The following RAB5A variants were observed in gnomAD, a reference collection of about 807,000 sequenced individuals.
RAB5A encodes the protein RAB5A, member RAS oncogene family, also known as ras-related protein Rab-5A.
In RAB5A, 8 loss-of-function variants were observed where a neutral mutation model predicts 25.7. The observed-to-expected ratio is 0.31, with a 90% CI of 0.18 to 0.56. The LOEUF is 0.56. Among genes scored for constraint, RAB5A ranks in the 20% least tolerant of loss-of-function variants. The pLI, the probability that RAB5A is intolerant of heterozygous loss-of-function variation, is 0.91. For missense variants in RAB5A, 192 were observed against 259.7 expected (o/e 0.74, Z 1.79); for synonymous variants, 98 against 89.8 (o/e 1.09, Z -0.52).
rs1490011777 is a variant in RAB5A at position 19,978,418 on chromosome 3, T to G, written c.532+15T>G. On this transcript the variant is annotated intron_variant, in intron 5 of 5. Coordinates refer to ENST00000273047, the MANE Select transcript of RAB5A (RefSeq NM_004162.5). ...CATGGCAATAGGTAAGATTAATATC[T>G]CTTTTTAAATGATCAATATAAGCAA... The G allele has an allele frequency of 1.3e-6, 2 of 1,518,700 alleles. No homozygotes were observed. Among genetic ancestry groups the G allele is most frequent in the Middle Eastern group, 1.7e-4 (1 of 5,862 alleles). The allele number at this position is 1,518,700 out of a possible 1,614,324, so 94.1% of individuals were successfully genotyped here. A position where few individuals can be genotyped will look rare whatever the true frequency, so the allele number is the denominator to read the frequency against.
In RAB5A at chr3:19,950,854, G is replaced by A; in HGVS notation, c.-45G>A. Reference sequence around the variant, plus strand: ...AATATTGGCCCCTTGAATTCTGGAAGTTCATTGAAGAGTCTGAAATTAGGG... The same window carrying A: ...AATATTGGCCCCTTGAATTCTGGAAATTCATTGAAGAGTCTGAAATTAGGG... On this transcript the variant is annotated 5_prime_UTR_variant, in exon 2 of 6. Transcript: ENST00000273047. 1 of 1,558,348 alleles carries A rather than the reference G, an allele frequency of 6.4e-7. No homozygotes were observed. Among genetic ancestry groups the A allele is most frequent in the South Asian group, 1.2e-5 (1 of 83,996 alleles).
intron 5 of RAB5A, among the ~76,000 whole-genome samples, chr3:19,981,595 CAG>C (rs1168305479): frequency 6.7e-6 from 1 of 149,492 alleles, no homozygotes; most frequent in African/African-American, 2.5e-5. Flanking sequence ...GCCTGGGTGA[CAG>C]AGCGAGACTC....
intron 2 of RAB5A, among the ~76,000 whole-genome samples, chr3:19,969,727 G>C (rs1696717423): frequency 6.6e-6 from 1 of 152,104 alleles, no homozygotes; most frequent in South Asian, 2.1e-4. Flanking sequence ...GAAGTTGTAT[G>C]GTTTCTCAGT....
chr3:19,980,460 T>C (rs963281685), intron 5 of RAB5A, among the ~76,000 whole-genome samples: 41 of 152,086 alleles, frequency 2.7e-4, no homozygotes, highest in Admixed American at 3.9e-4. Context: ...TTTTTCTTTT[T>C]TTTTTTGTTA....
At chr3:19,953,989 G>C (rs1176218285) in intron 2 of RAB5A, among the ~76,000 whole-genome samples, 1 of 152,088 alleles carries the variant, frequency 6.6e-6, no homozygotes, top group African/African-American at 2.4e-5. Context: ...GAAAAATGAA[G>C]CCAACCAACT....
At chr3:19,951,701 G>GTTTTTTTGTTTTTTT (rs1553638046) in intron 2 of RAB5A, among the ~76,000 whole-genome samples, 2 of 99,014 alleles carry the variant, frequency 2.0e-5, no homozygotes, top group Non-Finnish European at 4.0e-5. Flanking sequence ...TGCCAGGCAA[G>GTTTTTTTGTTTTTTT]TTTTTTTTTT....
At chr3:19,962,600 T>C (rs144133115) in intron 2 of RAB5A, among the ~76,000 whole-genome samples, 1 of 152,072 alleles carries the variant, frequency 6.6e-6, no homozygotes, top group Non-Finnish European at 1.5e-5. Context: ...CCGTAAGACC[T>C]ATCTATATCA....
intron 2 of RAB5A, among the ~76,000 whole-genome samples, chr3:19,973,283 G>A (rs946861202): frequency 3.3e-5 from 5 of 151,910 alleles, no homozygotes; most frequent in Admixed American, 1.3e-4. Context: ...TGAGCCTGAA[G>A]TTTACTTATG....
In RAB5A at chr3:19,969,044, G is replaced by GTTT. The variant is rs746635502; in HGVS notation, c.164-6557_164-6556insTTT. On this transcript the variant is annotated intron_variant, in intron 2 of 5. Coordinates refer to ENST00000273047, the MANE Select transcript of RAB5A (RefSeq NM_004162.5). ...TTTTTGGTTTTGGTTTTTTTTTTTT[G>GTTT]GTTTTTTTTTTTTTTTTGAGATGGA... 9.2e-3 allele frequency among the ~76,000 whole-genome samples: 601 copies of GTTT among 65,512 alleles called. 43 individuals carry two copies. The highest frequency in any genetic ancestry group is 0.011 in the Non-Finnish European group (411 of 37,594). The allele number at this position is 65,512 out of a possible 152,430, so 43.0% of individuals were successfully genotyped here. A position where few individuals can be genotyped will look rare whatever the true frequency, so the allele number is the denominator to read the frequency against.
At chr3:19,962,452 C>T (rs1696600310) in intron 2 of RAB5A, among the ~76,000 whole-genome samples, 1 of 73,188 alleles carries the variant, frequency 1.4e-5, no homozygotes, top group Non-Finnish European at 3.4e-5. Context: ...CCTGTAGTCC[C>T]AGTTACTCGG....
chr3:19,982,972 A>G (rs1046222002), intron 5 of RAB5A, among the ~76,000 whole-genome samples: 9 of 152,162 alleles, frequency 5.9e-5, no homozygotes, highest in African/African-American at 2.2e-4. Flanking sequence ...GAGAACGCTG[A>G]TATGAGCTGA....
At chr3:19,971,214 A>AAC (rs1469533104) in intron 2 of RAB5A, among the ~76,000 whole-genome samples, 16 of 97,018 alleles carry the variant, frequency 1.6e-4, no homozygotes, top group African/African-American at 4.6e-4. Context: ...AAAAAAAAAA[A>AAC]ACACTATAGT....
chr3:19,970,888 G>T (rs1696739787), intron 2 of RAB5A, among the ~76,000 whole-genome samples: 1 of 152,098 alleles, frequency 6.6e-6, no homozygotes, highest in Non-Finnish European at 1.5e-5. Flanking sequence ...AGTTTTATAG[G>T]GGAAATTAAA....
chr3:19,949,585 G>A (rs918824507), intron 1 of RAB5A, among the ~76,000 whole-genome samples: 1 of 152,134 alleles, frequency 6.6e-6, no homozygotes, highest in Non-Finnish European at 1.5e-5. Context: ...TAATATATTA[G>A]CATGTATTCG....
At position 19,978,249 on chromosome 3, in the gene RAB5A, C is replaced by G. The variant is rs1038253770; in HGVS notation, c.439-61C>G. 1.8e-5 allele frequency: 19 copies of G among 1,055,948 alleles called. 2 individuals carry two copies. The allele number at this position is 1,055,948 out of a possible 1,614,324, so 65.4% of individuals were successfully genotyped here. A position where few individuals can be genotyped will look rare whatever the true frequency, so the allele number is the denominator to read the frequency against. On this transcript the variant is annotated intron_variant, in intron 4 of 5. Coordinates refer to ENST00000273047, the MANE Select transcript of RAB5A (RefSeq NM_004162.5). The stretch of plus-strand genomic sequence containing the variant: ...CTCCTTTTCTATAACAAGTTTAAAG[C>G]AGGTGTAGTGTATTTCCAAGAGATA...
chr3:19,952,896 TC>T (rs1331010159), intron 2 of RAB5A, among the ~76,000 whole-genome samples: 1 of 152,082 alleles, frequency 6.6e-6, no homozygotes, highest in Non-Finnish European at 1.5e-5. Context: ...AAGCTAACTG[TC>T]CCATCTAGTA....
chr3:19,964,277 C>G (rs571385349), intron 2 of RAB5A, among the ~76,000 whole-genome samples: 264 of 152,230 alleles, frequency 1.7e-3, no homozygotes, highest in Non-Finnish European at 3.4e-3. Context: ...ATATCTGTAT[C>G]TATATATCCC....
intron 2 of RAB5A, among the ~76,000 whole-genome samples, chr3:19,966,437 A>G (rs1422726639): frequency 1.3e-5 from 2 of 152,200 alleles, no homozygotes; most frequent in East Asian, 1.9e-4. Flanking sequence ...TTGCTTGTCC[A>G]TCATTGGACA....
chr3:19,978,517 TTATG>T (rs900373053), intron 5 of RAB5A, 114 bp downstream of exon 5: 13 of 656,758 alleles, frequency 2.0e-5, no homozygotes, highest in African/African-American at 1.8e-4. Context: ...GTGTGTATGT[TTATG>T]TGTGTGTGTG....
Sources: allele counts gnomAD v4.1 joint callset (sites outside exome capture counted in the v4.1 genomes callset), GRCh38; gene constraint gnomAD v4.1.1; transcripts MANE v1.5; gene names NCBI Gene and HGNC (gene_info 2026-07-23, HGNC 2026-07-21).